DCAF5: variants seen among roughly 807,000 people sequenced by gnomAD.
The protein encoded by DCAF5 is DDB1- and CUL4-associated factor 5.
Under a neutral mutation model 80.7 loss-of-function variants are expected in DCAF5, and 9 were observed. That is an observed-to-expected ratio of 0.11 (90% CI 0.07 to 0.19). The LOEUF is 0.19. DCAF5 is among the 10% of genes least tolerant of loss of function. DCAF5 has a pLI of 1.00. For missense variants in DCAF5, 842 were observed against 1,205.7 expected, an observed-to-expected ratio of 0.70 and a Z score of 4.47; for synonymous variants, 433 against 461.9, an observed-to-expected ratio of 0.94 and a Z score of 0.80.
intron 5 of DCAF5, among the ~76,000 whole-genome samples, chr14:69,095,017 C>T (rs2039654600): frequency 6.6e-6 from 1 of 152,200 alleles, no homozygotes; most frequent in South Asian, 2.1e-4. Flanking sequence ...CAATGAAAAG[C>T]TAACCATACA....
chr14:69,091,084 C>T (rs774725951), intron 6 of DCAF5: 6 of 756,024 alleles, frequency 7.9e-6, no homozygotes, highest in African/African-American at 6.8e-5. Flanking sequence ...TCAACATCAG[C>T]ATCTCCATTC....
chr14:69,126,325 T>C (rs1266294504), intron 1 of DCAF5, among the ~76,000 whole-genome samples: 2 of 151,968 alleles, frequency 1.3e-5, no homozygotes, highest in Non-Finnish European at 2.9e-5. Flanking sequence ...GCCCAGCTCA[T>C]TTTGTATTTT....
chr14:69,107,197 C>G (rs1433631229), intron 5 of DCAF5, among the ~76,000 whole-genome samples: 1 of 152,180 alleles, frequency 6.6e-6, no homozygotes, highest in Non-Finnish European at 1.5e-5. Flanking sequence ...ACCAGGCATT[C>G]CCCAGATGCT....
chr14:69,118,032 C>G lies in DCAF5; in HGVS notation c.535+107G>C. The G allele has an allele frequency of 6.8e-7, 1 of 1,469,786 alleles. No homozygotes were observed. Among genetic ancestry groups the G allele is most frequent in the South Asian group, 1.3e-5 (1 of 79,624 alleles). The allele number at this position is 1,469,786 out of a possible 1,614,324, so 91.0% of individuals were successfully genotyped here. On this transcript the variant is annotated intron_variant, in intron 4 of 8. Coordinates refer to ENST00000341516, the MANE Select transcript of DCAF5 (RefSeq NM_003861.3). The surrounding 1 kb of genome is among the most constrained non-coding windows in gnomAD (Gnocchi z 4.0). ...TGTGAGTGTTTCACATTTCCTTTCC[C>G]TTGACATCACTTGCACATAGATACT...
At chr14:69,108,436 A>T (rs1308223247) in intron 5 of DCAF5, among the ~76,000 whole-genome samples, 1 of 152,174 alleles carries the variant, frequency 6.6e-6, no homozygotes, top group East Asian at 1.9e-4. Flanking sequence ...CAAGCTAAGG[A>T]GCCAGTGCAG....
chr14:69,105,916 T>C (rs1317779046), intron 5 of DCAF5, among the ~76,000 whole-genome samples: 4 of 25,460 alleles, frequency 1.6e-4, no homozygotes, highest in East Asian at 5.9e-4. Context: ...TAAACTGTCA[T>C]ATATATATAT....
At chr14:69,069,854 C>G (rs1226238371) in intron 7 of DCAF5, among the ~76,000 whole-genome samples, 2 of 152,128 alleles carry the variant, frequency 1.3e-5, no homozygotes, top group Non-Finnish European at 2.9e-5. Flanking sequence ...CCTGAGGCAT[C>G]AAGCGATCCT....
At chr14:69,126,009 T>C (rs1300412967) in intron 1 of DCAF5, among the ~76,000 whole-genome samples, 1 of 152,132 alleles carries the variant, frequency 6.6e-6, no homozygotes, top group Non-Finnish European at 1.5e-5. Context: ...AGTCCATCAC[T>C]TTCCTATATA....
In DCAF5 at chr14:69,118,277, T is replaced by C. The variant is rs953926217; in HGVS notation, c.397A>G (p.Ser133Gly). 2 of 1,613,498 alleles carry C rather than the reference T, an allele frequency of 1.2e-6. No individual in the cohort carries two copies. Among genetic ancestry groups the C allele is most frequent in the Non-Finnish European group, 1.7e-6 (2 of 1,179,696 alleles). ...EQVILHDVES[S>G]ETLDVFAHED... ...TGAGCAAACACGTCCAATGTCTCAC[T>C]GCTGGGAGATAAGAGAGCAAGACAG... The change falls in exon 4 of 9, where the codon AGT (serine) becomes GGT (glycine). Residue 133 changes from serine to glycine, a missense_variant and splice_region_variant. By Grantham distance (56) the Ser-to-Gly change is moderately conservative. Transcript: ENST00000341516. This position sits in a 1 kb window ranked among gnomAD's most constrained non-coding sequence, Gnocchi z 4.0.
intron 5 of DCAF5, among the ~76,000 whole-genome samples, chr14:69,113,393 G>C (rs984616871): frequency 6.6e-6 from 1 of 152,130 alleles, no homozygotes; most frequent in African/African-American, 2.4e-5. Context: ...TTGGAGTCAA[G>C]GGTCTCTATG....
intron 5 of DCAF5, among the ~76,000 whole-genome samples, chr14:69,116,008 C>T (rs1188764149): frequency 6.6e-6 from 1 of 152,082 alleles, no homozygotes; most frequent in Non-Finnish European, 1.5e-5. Flanking sequence ...TCTCCACCTC[C>T]ACCTCCTCCC....
intron 1 of DCAF5, among the ~76,000 whole-genome samples, chr14:69,124,094 C>G (rs2040807715): frequency 6.6e-6 from 1 of 152,172 alleles, no homozygotes; most frequent in Non-Finnish European, 1.5e-5. Context: ...CTAGGTCTGG[C>G]TCACTCCCTT....
intron 1 of DCAF5, chr14:69,143,785 A>C (rs1254476819): frequency 6.6e-6 from 1 of 152,340 alleles, no homozygotes; most frequent in Non-Finnish European, 1.5e-5. Flanking sequence ...AATTTTCTAT[A>C]AAGTAACGGA....
At chr14:69,106,795 A>G (rs1410161575) in intron 5 of DCAF5, among the ~76,000 whole-genome samples, 2 of 152,154 alleles carry the variant, frequency 1.3e-5, no homozygotes, top group Non-Finnish European at 2.9e-5. Context: ...ATTCCAGCAC[A>G]TTGGGAGGCT....
chr14:69,080,895 T>A (rs1020070986), intron 6 of DCAF5, among the ~76,000 whole-genome samples: 5 of 152,162 alleles, frequency 3.3e-5, no homozygotes, highest in Non-Finnish European at 7.3e-5. Flanking sequence ...TGTGGCCAAA[T>A]GGGGACATGA....
intron 6 of DCAF5, among the ~76,000 whole-genome samples, chr14:69,081,178 C>G (rs1227430698): frequency 6.6e-6 from 1 of 152,168 alleles, no homozygotes; most frequent in Non-Finnish European, 1.5e-5. Context: ...AGAAAGAATA[C>G]TTCATTCTTT....
intron 8 of DCAF5, among the ~76,000 whole-genome samples, chr14:69,057,128 G>A (rs1432534272): frequency 1.3e-5 from 2 of 152,134 alleles, no homozygotes; most frequent in Non-Finnish European, 2.9e-5. Flanking sequence ...AACCACTCAA[G>A]GGATGAGTAA....
intron 1 of DCAF5, among the ~76,000 whole-genome samples, chr14:69,139,436 G>A (rs901478449): frequency 6.6e-6 from 1 of 152,012 alleles, no homozygotes; most frequent in Non-Finnish European, 1.5e-5. Context: ...GGAGGTCGAA[G>A]CTTCAGTTAG....
chr14:69,135,158 G>C (rs914611937), intron 1 of DCAF5, among the ~76,000 whole-genome samples: 6 of 152,104 alleles, frequency 3.9e-5, no homozygotes, highest in African/African-American at 1.4e-4. Context: ...AATTTTTTTC[G>C]CAATAACACT....
Sources: allele counts gnomAD v4.1 joint callset (sites outside exome capture counted in the v4.1 genomes callset), GRCh38; gene constraint gnomAD v4.1.1; non-coding constraint Gnocchi (gnomAD v3.1); transcripts MANE v1.5; gene names NCBI Gene and HGNC (gene_info 2026-07-23, HGNC 2026-07-21).